Variants in KDM1A observed in about 807,000 individuals in gnomAD.
KDM1A encodes lysine-specific histone demethylase 1A.
Under a neutral mutation model 109.4 loss-of-function variants are expected in KDM1A, and 49 were observed. The ratio of observed to expected loss-of-function variants is 0.45; its 90% CI spans 0.36 to 0.57. KDM1A has a LOEUF of 0.57. Ranked by LOEUF, KDM1A falls within the 20% of genes least tolerant of loss-of-function variation. KDM1A has a pLI of 0.00. For missense variants in KDM1A, 668 were observed against 1,116.6 expected (o/e 0.60, Z 5.73); for synonymous variants, 380 against 415.4 (o/e 0.91, Z 1.04).
intron 1 of KDM1A, among the ~76,000 whole-genome samples, chr1:23,023,369 T>C (rs1641700121): frequency 6.6e-6 from 1 of 152,222 alleles, no homozygotes; most frequent in Admixed American, 6.5e-5. Context: ...GTCGATGATC[T>C]TTTCTCAGTT....
intron 3 of KDM1A, among the ~76,000 whole-genome samples, chr1:23,049,108 C>A (rs570687135): frequency 7.3e-6 from 1 of 137,826 alleles, no homozygotes; most frequent in East Asian, 2.2e-4. Flanking sequence ...GCCGAGATCG[C>A]GCTACTGCAC....
Position 23,083,268 on chromosome 1 carries a change from A to G in KDM1A, c.2535A>G (p.Glu845=), listed in dbSNP as rs767207530. 5.6e-6 allele frequency: 9 copies of G among 1,613,800 alleles called. No homozygotes were observed. In the Admixed American group the frequency reaches 1.3e-4, roughly 24 times the overall value. ...GTGCTCTGCTGAGTGGGCTGCGAGAAGCGGGAAGAATTGCAGACCAGTTTT... is the reference window on the plus strand; with the variant it reads ...GTGCTCTGCTGAGTGGGCTGCGAGAGGCGGGAAGAATTGCAGACCAGTTTT... The part of the protein sequence containing the change: ...VHGALLSGLR[E]AGRIADQFLG... Residue 845 remains glutamate (E), a synonymous_variant, in exon 21 of 21, where the codon GAA becomes GAG. Coordinates refer to ENST00000400181, the MANE Select transcript of KDM1A (RefSeq NM_001009999.3).
chr1:23,019,580 C>A lies in KDM1A; in HGVS notation c.-17C>A, dbSNP rs1336142259. 2.2e-6 allele frequency: 3 copies of A among 1,395,256 alleles called. No homozygotes were observed. Among genetic ancestry groups the A allele is most frequent in the Admixed American group, 6.2e-5 (2 of 32,090 alleles). The allele number at this position is 1,395,256 out of a possible 1,614,324, so 86.4% of individuals were successfully genotyped here. A position where few individuals can be genotyped will look rare whatever the true frequency, so the allele number is the denominator to read the frequency against. ...AGCGAGCGGCCCCTACGGCCGTCGG[C>A]GGCCCGGCGGCCCGAGATGTTATCT... is the stretch of plus-strand genomic sequence containing the variant. On this transcript the variant is annotated 5_prime_UTR_variant, in exon 1 of 21. Transcript: ENST00000400181.
chr1:23,036,974 C>T (rs1032534441), intron 2 of KDM1A, among the ~76,000 whole-genome samples: 2 of 152,084 alleles, frequency 1.3e-5, no homozygotes, highest in South Asian at 2.1e-4. Context: ...AGTACATCCA[C>T]CTGCAAAGAA....
intron 9 of KDM1A, among the ~76,000 whole-genome samples, chr1:23,064,854 A>G (rs1436360024): frequency 6.6e-6 from 1 of 152,226 alleles, no homozygotes; most frequent in Non-Finnish European, 1.5e-5. Flanking sequence ...TCTTGAAGGA[A>G]CTATTTACCT....
intron 3 of KDM1A, among the ~76,000 whole-genome samples, chr1:23,049,482 G>T (rs1026425100): frequency 6.6e-6 from 1 of 151,706 alleles, no homozygotes; most frequent in Non-Finnish European, 1.5e-5. Context: ...TCAGGAGTTC[G>T]AGACAAGCCT....
intron 3 of KDM1A, among the ~76,000 whole-genome samples, chr1:23,048,333 A>T (rs1025396223): frequency 2.0e-5 from 3 of 152,216 alleles, no homozygotes; most frequent in African/African-American, 7.2e-5. Flanking sequence ...ATTTCACATT[A>T]CTGAAATAAA....
rs1306375239 is a variant in KDM1A, at chr1:23,081,466, G to A, written c.2191G>A (p.Val731Met). 2 of 1,614,194 alleles carry A rather than the reference G, an allele frequency of 1.2e-6. No homozygotes were observed. The highest frequency in any genetic ancestry group is 2.2e-5 in the East Asian group (1 of 44,892). ...CCCAGCTCCAATACTGTTGGCACTAGTGGCAGGAGAAGCTGCTGGTATCAT... is the reference window on the plus strand; with the variant it reads ...CCCAGCTCCAATACTGTTGGCACTAATGGCAGGAGAAGCTGCTGGTATCAT... ...LYKAPILLAL[V>M]AGEAAGIMEN... is the part of the protein sequence containing the mutation. Residue 731 changes from valine to methionine, a missense_variant, in exon 19 of 21, where the codon GTG becomes ATG. This residue lies in a region of KDM1A where 162 missense variants were observed against 376.4 expected (regional missense o/e 0.43). Transcript: ENST00000400181.
intron 2 of KDM1A, among the ~76,000 whole-genome samples, chr1:23,043,924 A>G (rs148799878): frequency 2.6e-5 from 4 of 152,368 alleles, no homozygotes; most frequent in African/African-American, 7.2e-5. Flanking sequence ...TCTACTGTGT[A>G]TAGTAAATGA....
intron 9 of KDM1A, among the ~76,000 whole-genome samples, chr1:23,061,833 A>T (rs1452273436): frequency 6.6e-6 from 1 of 151,900 alleles, no homozygotes; most frequent in East Asian, 1.9e-4. Context: ...ATTTTTTTGT[A>T]TTTTTAGTAC....
chr1:23,081,227 T>C (rs749637063), intron 18 of KDM1A: 3 of 495,884 alleles, frequency 6.0e-6, no homozygotes, highest in Non-Finnish European at 7.1e-6. Context: ...CTGAGAATCT[T>C]ACTTCACTCT....
chr1:23,019,812 G>T lies in KDM1A; in HGVS notation c.216G>T (p.Gly72=). 2 of 1,410,924 alleles carry T rather than the reference G, an allele frequency of 1.4e-6. No individual in the cohort carries two copies. The highest frequency in any genetic ancestry group is 1.8e-6 in the Non-Finnish European group (2 of 1,083,000). The allele number at this position is 1,410,924 out of a possible 1,614,324, so 87.4% of individuals were successfully genotyped here. The part of the protein sequence containing the change: ...KKEPPRASPP[G]GLAEPPGSAG... ...AGCCTCCGCGGGCCTCGCCCCCCGGGGGCCTGGCGGAACCGCCGGGGTCCG... is the reference window on the plus strand; with the variant it reads ...AGCCTCCGCGGGCCTCGCCCCCCGGTGGCCTGGCGGAACCGCCGGGGTCCG... Residue 72 remains glycine (G), a synonymous_variant, in exon 1 of 21, where the codon GGG becomes GGT. Coordinates refer to ENST00000400181, the MANE Select transcript of KDM1A (RefSeq NM_001009999.3).
intron 10 of KDM1A, 125 bp downstream of exon 10, chr1:23,066,196 TG>T: frequency 1.4e-6 from 1 of 703,582 alleles, no homozygotes; most frequent in Non-Finnish European, 2.4e-6. Flanking sequence ...GGTTTGTTGT[TG>T]TAGAGTTGCG....
chr1:23,068,216 T>C (rs1408969814), intron 10 of KDM1A, among the ~76,000 whole-genome samples: 1 of 152,168 alleles, frequency 6.6e-6, no homozygotes, highest in Non-Finnish European at 1.5e-5. Flanking sequence ...CTCAACTTAA[T>C]GCATGTCAGC....
In KDM1A at chr1:23,079,963, G is replaced by A. The variant is rs1210213443; in HGVS notation, c.2170+296G>A. ...CAGCCTGGAGGGATAGGCCCAGGGA[G>A]GCTTCCTACCAGGGGAAGCTTGCGT... On this transcript the variant is annotated intron_variant, in intron 18 of 20. Transcript: ENST00000400181. The surrounding 1 kb of genome is among the most constrained non-coding windows in gnomAD (Gnocchi z 5.6). Among the ~76,000 whole-genome samples the A allele has an allele frequency of 6.6e-6, 1 of 152,132 alleles. No homozygotes were observed. Among genetic ancestry groups the A allele is most frequent in the Non-Finnish European group, 1.5e-5 (1 of 68,022 alleles).
intron 3 of KDM1A, among the ~76,000 whole-genome samples, chr1:23,045,303 A>C (rs531068135): frequency 4.6e-5 from 7 of 152,316 alleles, no homozygotes; most frequent in Admixed American, 4.6e-4. Flanking sequence ...CAACTGTCTT[A>C]AGTCTACTTT....
At chr1:23,078,451 CCT>C (rs1388919134) in intron 16 of KDM1A, among the ~76,000 whole-genome samples, 1 of 151,880 alleles carries the variant, frequency 6.6e-6, no homozygotes, top group African/African-American at 2.4e-5. Flanking sequence ...ATTTCAGTAC[CCT>C]CTCTGAGGTC....
intron 1 of KDM1A, among the ~76,000 whole-genome samples, chr1:23,026,397 T>TG (rs1553124907): frequency 5.6e-4 from 32 of 57,368 alleles, no homozygotes; most frequent in East Asian, 2.7e-3. Context: ...TCTGTTTGTT[T>TG]TTTTTTTTTT....
At chr1:23,059,335 T>G (rs1395673114) in intron 9 of KDM1A, 168 bp downstream of exon 9, 1 of 341,924 alleles carries the variant, frequency 2.9e-6, no homozygotes, top group Non-Finnish European at 5.7e-6. Context: ...TCTTAACTCT[T>G]GAGCTATGTA....
Sources: allele counts gnomAD v4.1 joint callset (sites outside exome capture counted in the v4.1 genomes callset), GRCh38; gene constraint gnomAD v4.1.1; regional missense constraint gnomAD v4.1.1; non-coding constraint Gnocchi (gnomAD v3.1); transcripts MANE v1.5; gene names NCBI Gene and HGNC (gene_info 2026-07-23, HGNC 2026-07-21).